Variants in HOMER2 observed in about 807,000 individuals in gnomAD.
HOMER2 encodes the protein homer protein homolog 2.
In HOMER2, 27 loss-of-function variants were observed where a neutral mutation model predicts 47.0. The observed-to-expected ratio is 0.57, with a 90% CI of 0.42 to 0.79. HOMER2 has a LOEUF of 0.79. HOMER2 is among the 30% of genes least tolerant of loss of function. The pLI is 0.00. For missense variants in HOMER2, 443 were observed against 435.0 expected (o/e 1.02, Z -0.16); for synonymous variants, 161 against 163.8 (o/e 0.98, Z 0.13).
chr15:82,985,665 C>T (rs533086476), intron 1 of HOMER2: 1 of 152,340 alleles, frequency 6.6e-6, no homozygotes, highest in South Asian at 2.1e-4. Context: ...ATTTGCTGAA[C>T]ATCCCACAAG....
intron 1 of HOMER2, among the ~76,000 whole-genome samples, chr15:82,894,128 CAT>C (rs1231988954): frequency 6.6e-6 from 1 of 152,204 alleles, no homozygotes; most frequent in African/African-American, 2.4e-5. Context: ...TTTCACTCCA[CAT>C]GCCTAAAGCA....
upstream of HOMER2, among the ~76,000 whole-genome samples, chr15:82,957,019 G>A (rs2054593488): frequency 6.6e-6 from 1 of 152,188 alleles, no homozygotes; most frequent in African/African-American, 2.4e-5. Context: ...GCACACACCT[G>A]TAATCCTAGC....
chr15:82,867,878 C>G (rs2052026133), intron 3 of HOMER2, among the ~76,000 whole-genome samples: 1 of 152,096 alleles, frequency 6.6e-6, no homozygotes, highest in African/African-American at 2.4e-5. Flanking sequence ...ACACTGGAAA[C>G]AACCCAGTGG....
At chr15:82,938,235 G>A (rs561327741) in intron 1 of HOMER2, among the ~76,000 whole-genome samples, 4 of 152,258 alleles carry the variant, frequency 2.6e-5, no homozygotes, top group South Asian at 4.2e-4. Context: ...TTAACCGGGC[G>A]TGGTGGTACA....
intron 2 of HOMER2, among the ~76,000 whole-genome samples, chr15:82,880,017 AC>A (rs2052471351): frequency 1.3e-5 from 2 of 152,240 alleles, no homozygotes; most frequent in Non-Finnish European, 2.9e-5. Context: ...AAGAACACAT[AC>A]ATTATGAGTC....
At chr15:82,852,499 A>G (rs1401476916) in intron 6 of HOMER2, 1 of 403,806 alleles carries the variant, frequency 2.5e-6, no homozygotes, top group Non-Finnish European at 4.4e-6. Flanking sequence ...GAGCCAAATA[A>G]GTAATAAAGC....
intron 1 of HOMER2, among the ~76,000 whole-genome samples, chr15:82,944,413 C>T (rs1359473489): frequency 6.6e-6 from 1 of 152,180 alleles, no homozygotes; most frequent in African/African-American, 2.4e-5. Context: ...AAATTAGAAG[C>T]TTTATGCCCC....
intron 1 of HOMER2, among the ~76,000 whole-genome samples, chr15:82,928,675 C>A (rs1159078249): frequency 1.3e-5 from 2 of 151,916 alleles, no homozygotes; most frequent in Admixed American, 1.3e-4. Context: ...AGAAAAAGGG[C>A]ATATAAATAA....
chr15:82,896,758 C>T (rs1030043794), intron 1 of HOMER2, among the ~76,000 whole-genome samples: 6 of 152,244 alleles, frequency 3.9e-5, no homozygotes, highest in Non-Finnish European at 8.8e-5. Flanking sequence ...GGAAACTACC[C>T]GCCGCTCTGG....
intron 1 of HOMER2, among the ~76,000 whole-genome samples, chr15:82,917,887 T>A (rs1404069042): frequency 6.6e-6 from 1 of 152,064 alleles, no homozygotes; most frequent in Non-Finnish European, 1.5e-5. Context: ...AGGGCAAAAG[T>A]GAAATCAACC....
chr15:82,839,677 A>T (rs924252485), exon 2 of HOMER2: 1 of 152,246 alleles, frequency 6.6e-6, no homozygotes, highest in Non-Finnish European at 1.5e-5. Context: ...AAAAACTGTT[A>T]GAAACAAAAG....
chr15:82,914,906 G>A (rs774120130), intron 1 of HOMER2, among the ~76,000 whole-genome samples: 2 of 152,118 alleles, frequency 1.3e-5, no homozygotes, highest in Non-Finnish European at 2.9e-5. Flanking sequence ...AGATGGAGGT[G>A]GGCACAGTGG....
At chr15:82,949,118 T>C (rs2054447671) in intron 1 of HOMER2, among the ~76,000 whole-genome samples, 1 of 152,154 alleles carries the variant, frequency 6.6e-6, no homozygotes, top group Non-Finnish European at 1.5e-5. Context: ...GTAGGGCCAC[T>C]GACTTGGATG....
intron 1 of HOMER2, among the ~76,000 whole-genome samples, chr15:82,935,433 C>T (rs938190927): frequency 6.6e-6 from 1 of 152,100 alleles, no homozygotes; most frequent in African/African-American, 2.4e-5. Context: ...ATGGGTGTTA[C>T]ACACTCAATC....
At chr15:82,854,831 G>C in intron 5 of HOMER2, 31 bp from the exon 6 acceptor site, 1 of 1,595,266 alleles carries the variant, frequency 6.3e-7, no homozygotes, top group East Asian at 2.2e-5. Flanking sequence ...GTGACGACGG[G>C]GTGGGTGCTG....
At chr15:82,983,096 G>A (rs956439380) in intron 1 of HOMER2, among the ~76,000 whole-genome samples, 3 of 152,118 alleles carry the variant, frequency 2.0e-5, no homozygotes, top group Admixed American at 6.5e-5. Context: ...CCTTAAACAT[G>A]CTCAGAACAC....
intron 1 of HOMER2, among the ~76,000 whole-genome samples, chr15:82,905,580 G>GA (rs2053263706): frequency 6.6e-6 from 1 of 152,058 alleles, no homozygotes; most frequent in Non-Finnish European, 1.5e-5. Context: ...CCAGAGGAAA[G>GA]AAACACCTTA....
Position 82,913,705 on chromosome 15 carries a change from A to G in HOMER2, c.6-20864T>C, listed in dbSNP as rs181040615. ...TCTTGCTGCAGTCCCTCCATCCTGG[A>G]CCCTTCCTCCAGAATCCCCCACTGC... On this transcript the variant is annotated intron_variant, in intron 1 of 8. Transcript: ENST00000450735. The surrounding 1 kb of genome is among the most constrained non-coding windows in gnomAD (Gnocchi z 4.1). Among the ~76,000 whole-genome samples the G allele has an allele frequency of 2.6e-5, 4 of 152,076 alleles. No individual in the cohort carries two copies. The highest frequency in any genetic ancestry group is 9.6e-5 in the African/African-American group (4 of 41,476).
At chr15:82,924,622 T>C (rs554118562) in intron 1 of HOMER2, among the ~76,000 whole-genome samples, 41 of 152,330 alleles carry the variant, frequency 2.7e-4, no homozygotes, top group African/African-American at 9.4e-4. Context: ...TCCATGGTCA[T>C]ACGGCAATGC....
Sources: gnomAD v4.1 joint callset for allele counts (sites outside exome capture counted in the v4.1 genomes callset) on GRCh38, gnomAD v4.1.1 for gene constraint, Gnocchi (gnomAD v3.1) non-coding constraint, MANE v1.5 for transcripts, NCBI Gene and HGNC (gene_info 2026-07-23, HGNC 2026-07-21) for gene names.